PARD3: variants seen among roughly 807,000 people sequenced by gnomAD.
PARD3 encodes par-3 family cell polarity regulator, also known as partitioning defective 3 homolog.
A neutral mutation model predicts 155.4 loss-of-function variants in PARD3; 75 were observed. The observed-to-expected ratio is 0.48, with a 90% CI of 0.40 to 0.58. The LOEUF (loss-of-function observed/expected upper bound fraction) is 0.58, where lower values mean the gene tolerates loss of function less well. Among genes scored for constraint, PARD3 ranks in the 20% least tolerant of loss-of-function variants. The probability of loss-of-function intolerance (pLI) is 0.00; values close to 1 mark genes in which losing one functional copy is unlikely to be tolerated. For synonymous variants in PARD3, 576 were observed against 610.5 expected (o/e 0.94, Z 0.83); for missense variants, 1,642 against 1,721.7 (o/e 0.95, Z 0.82).
chr10:34,242,729 T>C (rs947690661), intron 22 of PARD3, among the ~76,000 whole-genome samples: 1 of 152,086 alleles, frequency 6.6e-6, no homozygotes, highest in African/African-American at 2.4e-5. Flanking sequence ...AGGTCAGGAG[T>C]TCGAGACCAG....
intron 2 of PARD3, among the ~76,000 whole-genome samples, chr10:34,645,989 C>A (rs534764325): frequency 6.6e-6 from 1 of 152,096 alleles, no homozygotes; most frequent in African/African-American, 2.4e-5. Context: ...CAACACAGAA[C>A]CGGGATAAGA....
intron 2 of PARD3, among the ~76,000 whole-genome samples, chr10:34,588,815 G>A (rs1473860030): frequency 6.6e-6 from 1 of 152,154 alleles, no homozygotes; most frequent in East Asian, 1.9e-4. Context: ...GTATCAGCTG[G>A]AGAACATGCT....
At chr10:34,380,476 G>T (rs10763990) in intron 9 of PARD3, among the ~76,000 whole-genome samples, 88,034 of 151,988 alleles carry the variant, frequency 0.58, 27,741 homozygotes, top group African/African-American at 0.85. Flanking sequence ...AATGGTACCA[G>T]TTTTGTAAGT....
chr10:34,804,025 ATTTG>A (rs1458746963), intron 1 of PARD3, among the ~76,000 whole-genome samples: 22 of 139,120 alleles, frequency 1.6e-4, no homozygotes, highest in Admixed American at 2.9e-4. Flanking sequence ...GATCTACTTG[ATTTG>A]TTTTTGTTTT....
rs1331302205 is a variant in PARD3 at position 34,535,843 on chromosome 10, A to C, written c.223-18684T>G. Among the ~76,000 whole-genome samples the C allele has an allele frequency of 2.0e-5, 3 of 152,308 alleles. No individual in the cohort carries two copies. The East Asian group carries it at 5.8e-4, about 29-fold the overall frequency. ...AAAAAAAAAAATAGTTAGGCTTTAA[A>C]AAGCCAAATCTGATTATAATTAACT... On this transcript the variant is annotated intron_variant, in intron 2 of 24. Coordinates refer to ENST00000374788, the MANE Select transcript of PARD3 (RefSeq NM_001184785.2).
At chr10:34,617,981 G>A (rs1311080284) in intron 2 of PARD3, among the ~76,000 whole-genome samples, 1 of 151,982 alleles carries the variant, frequency 6.6e-6, no homozygotes, top group Non-Finnish European at 1.5e-5. Context: ...ATTAGCTATG[G>A]CTTCTCTATA....
intron 2 of PARD3, among the ~76,000 whole-genome samples, chr10:34,569,896 C>CA (rs35199552): frequency 0.48 from 62,913 of 132,346 alleles, 16,108 homozygotes; most frequent in Non-Finnish European, 0.59. Context: ...CCTACTCAAG[C>CA]AAAAAAAAAA....
intron 23 of PARD3, among the ~76,000 whole-genome samples, chr10:34,122,495 T>A (rs1947059517): frequency 6.6e-6 from 1 of 152,146 alleles, no homozygotes; most frequent in Non-Finnish European, 1.5e-5. Context: ...AAGGAGTGAA[T>A]GAGTTTGGGA....
At chr10:34,457,666 T>A (rs913128462) in intron 4 of PARD3, among the ~76,000 whole-genome samples, 1 of 152,094 alleles carries the variant, frequency 6.6e-6, no homozygotes. Context: ...AATGGCACAA[T>A]CTTGGCTCAC....
chr10:34,319,182 G>A (rs1468328050), intron 19 of PARD3, among the ~76,000 whole-genome samples: 3 of 149,754 alleles, frequency 2.0e-5, no homozygotes, highest in African/African-American at 7.4e-5. Flanking sequence ...TCCACCTCCC[G>A]GGTTCATGTG....
rs574750944 is a variant in PARD3, at chr10:34,617,969, G to T, written c.222+78349C>A. Among the ~76,000 whole-genome samples, 15 of 152,224 alleles carry T rather than the reference G, an allele frequency of 9.9e-5. No individual in the cohort carries two copies. The South Asian group carries it at 1.9e-3, about 19-fold the overall frequency. ...AATTTTAAAAGTAAAACATTTTAAA[G>T]TATTAGCTATGGCTTCTCTATACAC... On this transcript the variant is annotated intron_variant, in intron 2 of 24. Coordinates refer to ENST00000374788, the MANE Select transcript of PARD3 (RefSeq NM_001184785.2).
rs115162784 is a variant in PARD3 at position 34,110,667 on chromosome 10, T to C, written c.*502A>G. ...GAAAGGAAAGAGAAAACCACAGTGA[T>C]GACAAAGTACGACAAATGGCTGTGC... On this transcript the variant is annotated 3_prime_UTR_variant, in exon 25 of 25. Transcript: ENST00000374788. 4.0e-3 allele frequency: 613 copies of C among 152,606 alleles called. 5 individuals carry two copies. Among genetic ancestry groups the C allele is most frequent in the African/African-American group, 0.014 (590 of 41,572 alleles). 9.5% of individuals were successfully genotyped at this position (152,606 alleles called of 1,614,324 possible).
intron 22 of PARD3, among the ~76,000 whole-genome samples, chr10:34,249,629 G>C (rs1954170720): frequency 6.6e-6 from 1 of 152,168 alleles, no homozygotes. Flanking sequence ...TTTAAAGACA[G>C]GTGCCTGGAA....
chr10:34,632,187 A>G (rs1158693342), intron 2 of PARD3, among the ~76,000 whole-genome samples: 1 of 152,214 alleles, frequency 6.6e-6, no homozygotes, highest in Non-Finnish European at 1.5e-5. Context: ...TGGACCCAAG[A>G]GGCGGAGATT....
intron 22 of PARD3, among the ~76,000 whole-genome samples, chr10:34,185,112 C>T (rs554803875): frequency 4.6e-5 from 7 of 152,312 alleles, no homozygotes; most frequent in Non-Finnish European, 7.4e-5. Context: ...TCTAACACCA[C>T]GGCTATCACT....
intron 22 of PARD3, among the ~76,000 whole-genome samples, chr10:34,137,606 G>A (rs1253791353): frequency 6.6e-6 from 1 of 152,232 alleles, no homozygotes; most frequent in Non-Finnish European, 1.5e-5. Flanking sequence ...CATGTGACTT[G>A]TTTTGGCCAA....
intron 2 of PARD3, among the ~76,000 whole-genome samples, chr10:34,598,939 G>C (rs561788447): frequency 2.6e-5 from 4 of 152,128 alleles, no homozygotes; most frequent in Admixed American, 1.3e-4. Flanking sequence ...TGATGGTCCA[G>C]AACTGCACAC....
chr10:34,345,261 C>T (rs958004539), intron 15 of PARD3: 6 of 985,214 alleles, frequency 6.1e-6, no homozygotes, highest in Non-Finnish European at 6.0e-6. Flanking sequence ...AAGGCTCTTC[C>T]TTTTGGGGTG....
chr10:34,525,496 A>G (rs1165584063), intron 2 of PARD3, among the ~76,000 whole-genome samples: 1 of 152,216 alleles, frequency 6.6e-6, no homozygotes, highest in African/African-American at 2.4e-5. Context: ...CTATGGGTAT[A>G]TGTTCCAGCC....
Sources: gnomAD v4.1 joint callset for allele counts (sites outside exome capture counted in the v4.1 genomes callset) on GRCh38, gnomAD v4.1.1 for gene constraint, MANE v1.5 for transcripts, NCBI Gene and HGNC (gene_info 2026-07-23, HGNC 2026-07-21) for gene names.